COA1: variants seen among roughly 807,000 people sequenced by gnomAD.
COA1 encodes the protein cytochrome c oxidase assembly factor 1 homolog.
Under a neutral mutation model 16.0 loss-of-function variants are expected in COA1, and 13 were observed. That is an observed-to-expected ratio of 0.81 (90% confidence interval 0.53 to 1.29). The LOEUF (loss-of-function observed/expected upper bound fraction) is 1.29. Among genes scored for constraint, COA1 ranks in the 50% most tolerant of loss-of-function variants. The pLI is 0.00. For missense variants in COA1, 179 were observed against 177.0 expected, an observed-to-expected ratio of 1.01 and a Z score of -0.06; for synonymous variants, 65 against 65.7, an observed-to-expected ratio of 0.99 and a Z score of 0.05.
intron 5 of COA1, 91 bp from the exon 6 acceptor site, chr7:43,639,772 T>C: frequency 1.1e-6 from 1 of 924,618 alleles, no homozygotes. Context: ...GCAGTTGTTT[T>C]GAATAATGCC....
intron 1 of COA1, among the ~76,000 whole-genome samples, chr7:43,686,810 GA>G (rs2094055872): frequency 6.6e-6 from 1 of 152,120 alleles, no homozygotes; most frequent in Non-Finnish European, 1.5e-5. Flanking sequence ...TTTTCAACGA[GA>G]AAAAGGCTCT....
intron 1 of COA1, among the ~76,000 whole-genome samples, chr7:43,722,868 G>T (rs2095538721): frequency 6.6e-6 from 1 of 152,094 alleles, no homozygotes; most frequent in Admixed American, 6.6e-5. Flanking sequence ...GTCCATCTGG[G>T]GACCTTTCCA....
intron 1 of COA1, among the ~76,000 whole-genome samples, chr7:43,689,163 T>C (rs918476398): frequency 2.6e-5 from 4 of 152,200 alleles, no homozygotes; most frequent in African/African-American, 9.7e-5. Context: ...TTGACCCAGA[T>C]AGAAATGAGT....
intron 1 of COA1, among the ~76,000 whole-genome samples, chr7:43,687,776 TA>T (rs879798429): frequency 2.6e-3 from 365 of 142,154 alleles, no homozygotes; most frequent in Admixed American, 4.6e-3. Flanking sequence ...TCCCAAAACC[TA>T]AAAAAAAAAA....
At chr7:43,687,984 A>G (rs1311924813) in intron 1 of COA1, among the ~76,000 whole-genome samples, 3 of 152,184 alleles carry the variant, frequency 2.0e-5, no homozygotes, top group Admixed American at 6.5e-5. Context: ...TTGATAGTGA[A>G]TAAGTCTCAC....
chr7:43,725,448 C>T (rs1166821737), intron 1 of COA1, among the ~76,000 whole-genome samples: 1 of 152,012 alleles, frequency 6.6e-6, no homozygotes, highest in Non-Finnish European at 1.5e-5. Context: ...TGGAATCAAG[C>T]CAAGGGGAAA....
At chr7:43,644,710 T>TTAGATAGA (rs764989171) in intron 4 of COA1, among the ~76,000 whole-genome samples, 4,460 of 56,684 alleles carry the variant, frequency 0.079, 182 homozygotes, top group East Asian at 0.12. Flanking sequence ...GATAGATAGA[T>TTAGATAGA]TAGATAGATA....
downstream of COA1, among the ~76,000 whole-genome samples, chr7:43,634,863 A>C (rs2085599371): frequency 6.6e-6 from 1 of 152,204 alleles, no homozygotes; most frequent in Non-Finnish European, 1.5e-5. Flanking sequence ...TGGTTTCTCC[A>C]GTGCCTCATA....
At chr7:43,680,834 G>C (rs2093735540) in intron 1 of COA1, among the ~76,000 whole-genome samples, 1 of 152,118 alleles carries the variant, frequency 6.6e-6, no homozygotes, top group African/African-American at 2.4e-5. Flanking sequence ...AGCCAAGTAT[G>C]GTGGCGTGTG....
chr7:43,619,768 C>A, intron 6 of COA1: 1 of 1,600,068 alleles, frequency 6.2e-7, no homozygotes, highest in Non-Finnish European at 8.5e-7. Context: ...CAGGCATCAC[C>A]TTCATTAGGG....
At chr7:43,646,373 C>A in intron 3 of COA1, 1 of 353,244 alleles carries the variant, frequency 2.8e-6, no homozygotes, top group Non-Finnish European at 5.8e-6. Context: ...TCACAATGTT[C>A]AACAGCTCTT....
intron 1 of COA1, among the ~76,000 whole-genome samples, chr7:43,698,006 T>G (rs903144162): frequency 1.3e-5 from 2 of 152,202 alleles, no homozygotes; most frequent in African/African-American, 4.8e-5. Flanking sequence ...AGAAGGATAA[T>G]CTCTTCTGCA....
chr7:43,623,814 T>C (rs2084183435), intron 6 of COA1: 2 of 1,604,816 alleles, frequency 1.2e-6, no homozygotes, highest in Non-Finnish European at 1.7e-6. Flanking sequence ...ATTTAAGTTA[T>C]TCTGAGGAAG....
At chr7:43,614,232 A>T (rs2083141283) in intron 6 of COA1, among the ~76,000 whole-genome samples, 1 of 152,218 alleles carries the variant, frequency 6.6e-6, no homozygotes, top group Non-Finnish European at 1.5e-5. Flanking sequence ...TACCGAGATA[A>T]ATAAAAGACT....
intron 1 of COA1, among the ~76,000 whole-genome samples, chr7:43,728,050 C>T (rs1363445507): frequency 6.6e-6 from 1 of 151,382 alleles, no homozygotes; most frequent in African/African-American, 2.4e-5. Flanking sequence ...TCTCGGCTCA[C>T]TGCAAGCTCC....
At chr7:43,693,155 C>A (rs1390458001) in intron 1 of COA1, among the ~76,000 whole-genome samples, 1 of 152,126 alleles carries the variant, frequency 6.6e-6, no homozygotes, top group Non-Finnish European at 1.5e-5. Context: ...CATCCCTCTT[C>A]CCAGCAGGCC....
chr7:43,659,318 C>T (rs1223517616), intron 1 of COA1, among the ~76,000 whole-genome samples: 1 of 152,146 alleles, frequency 6.6e-6, no homozygotes, highest in Admixed American at 6.5e-5. Flanking sequence ...TTGAAAACTA[C>T]CATGCAGTTG....
Position 43,728,821 on chromosome 7 carries a change from G to T in COA1, c.-39+608C>A, listed in dbSNP as rs1346534088. On this transcript the variant is annotated intron_variant, in intron 1 of 5. Coordinates refer to ENST00000223336, the MANE Select transcript of COA1 (RefSeq NM_018224.4). ...AATCAGGGGAAGACCGGAGAAACAG[G>T]TTATCAAATTATCAGAATCTCCATA... is the stretch of plus-strand genomic sequence containing the variant. Among the ~76,000 whole-genome samples, 3 of 152,134 alleles carry T rather than the reference G, an allele frequency of 2.0e-5. No homozygotes were observed. The East Asian group carries it at 5.8e-4, about 29-fold the overall frequency.
intron 1 of COA1, among the ~76,000 whole-genome samples, chr7:43,721,193 A>G (rs1180126987): frequency 2.0e-5 from 3 of 152,240 alleles, no homozygotes; most frequent in Non-Finnish European, 4.4e-5. Context: ...GTATTAAGGA[A>G]TACTTTTATC....
Sources: gnomAD v4.1 joint callset for allele counts (sites outside exome capture counted in the v4.1 genomes callset) on GRCh38, gnomAD v4.1.1 for gene constraint, MANE v1.5 for transcripts, NCBI Gene and HGNC (gene_info 2026-07-23, HGNC 2026-07-21) for gene names.